The following CDH13 variants were observed in gnomAD, a reference collection of about 807,000 sequenced individuals.
CDH13 encodes cadherin 13.
In CDH13, 24 loss-of-function variants were observed where a neutral mutation model predicts 63.8. The observed-to-expected ratio is 0.38, with a 90% CI of 0.27 to 0.53. The LOEUF is 0.53. CDH13 is among the 20% of genes least tolerant of loss of function. The pLI is 0.85. For missense variants in CDH13, 1,049 were observed against 903.1 expected (o/e 1.16, Z -2.07); for synonymous variants, 503 against 355.3 (o/e 1.42, Z -4.67).
At chr16:83,220,452 G>C (rs186688488) in intron 5 of CDH13, among the ~76,000 whole-genome samples, 1 of 152,148 alleles carries the variant, frequency 6.6e-6, no homozygotes, top group African/African-American at 2.4e-5. Flanking sequence ...TCAAAGAGGA[G>C]AATCCTGGGT....
At chr16:82,777,634 A>G (rs1281636044) in intron 1 of CDH13, among the ~76,000 whole-genome samples, 2 of 152,192 alleles carry the variant, frequency 1.3e-5, no homozygotes, top group Non-Finnish European at 2.9e-5. Flanking sequence ...TTATTATTCC[A>G]CAATTTCTGT....
chr16:83,518,931 A>G (rs1184160455), intron 7 of CDH13, among the ~76,000 whole-genome samples: 1 of 152,152 alleles, frequency 6.6e-6, no homozygotes, highest in Non-Finnish European at 1.5e-5. Context: ...TTTTCTTTAT[A>G]AATTACCCAG....
At chr16:82,921,465 C>G (rs1567663404) in intron 2 of CDH13, among the ~76,000 whole-genome samples, 1 of 152,250 alleles carries the variant, frequency 6.6e-6, no homozygotes, top group South Asian at 2.1e-4. Context: ...GAAAACAGTG[C>G]TGGCATTTAG....
At chr16:83,605,957 C>A (rs1249628781) in intron 8 of CDH13, among the ~76,000 whole-genome samples, 1 of 152,084 alleles carries the variant, frequency 6.6e-6, no homozygotes, top group African/African-American at 2.4e-5. Flanking sequence ...GGGACAAAAG[C>A]GAGAGAGACC....
chr16:83,006,946 A>G (rs915670583), intron 2 of CDH13, among the ~76,000 whole-genome samples: 5 of 141,242 alleles, frequency 3.5e-5, no homozygotes, highest in African/African-American at 1.0e-4. Flanking sequence ...TTTTTGAGAC[A>G]GAGTTTCACT....
chr16:83,389,765 C>G (rs1317531256), intron 6 of CDH13, among the ~76,000 whole-genome samples: 1 of 152,182 alleles, frequency 6.6e-6, no homozygotes, highest in East Asian at 1.9e-4. Context: ...GCCTGGGAAT[C>G]TGAAGTGGTT....
chr16:82,838,179 C>G (rs959778192), intron 1 of CDH13, among the ~76,000 whole-genome samples: 1 of 152,208 alleles, frequency 6.6e-6, no homozygotes, highest in East Asian at 1.9e-4. Flanking sequence ...ATTGCAGATG[C>G]TTGCGTGTTC....
At chr16:83,371,392 C>G (rs2091364775) in intron 6 of CDH13, among the ~76,000 whole-genome samples, 1 of 152,172 alleles carries the variant, frequency 6.6e-6, no homozygotes, top group Admixed American at 6.5e-5. Flanking sequence ...TATACCCCTG[C>G]CTTTTTGTTC....
chr16:83,255,903 T>C (rs145434041), intron 5 of CDH13, among the ~76,000 whole-genome samples: 1 of 152,266 alleles, frequency 6.6e-6, no homozygotes, highest in Non-Finnish European at 1.5e-5. Flanking sequence ...GCACTAAGCT[T>C]GGCACATAGT....
intron 1 of CDH13, among the ~76,000 whole-genome samples, chr16:82,665,016 G>C (rs573170942): frequency 6.6e-6 from 1 of 152,286 alleles, no homozygotes; most frequent in East Asian, 1.9e-4. Context: ...AGTGGTCATG[G>C]TAGTGTTGTG....
rs1431334079 is a variant in CDH13, at chr16:82,887,991, C to G, written c.157+29518C>G. The stretch of plus-strand genomic sequence containing the variant: ...ACTTAAACAGCTTCCCTTAAACACA[C>G]TGTTACTTCAGAAAAGTACGGTTTT... On this transcript the variant is annotated intron_variant, in intron 2 of 13. Transcript: ENST00000567109. 2.0e-5 allele frequency among the ~76,000 whole-genome samples: 3 copies of G among 152,218 alleles called. No individual in the cohort carries two copies. In the South Asian group the frequency reaches 6.2e-4, roughly 32 times the overall value.
chr16:82,727,633 T>C (rs943953016), intron 1 of CDH13: 1 of 152,204 alleles, frequency 6.6e-6, no homozygotes, highest in African/African-American at 2.4e-5. Context: ...ATATCATTTA[T>C]GAAAGGATAA....
chr16:83,793,838 G>C (rs1336544879), intron 13 of CDH13, among the ~76,000 whole-genome samples: 2 of 151,288 alleles, frequency 1.3e-5, no homozygotes, highest in Non-Finnish European at 2.9e-5. Flanking sequence ...AAATTTCTCA[G>C]ATGTGACTCA....
intron 6 of CDH13, among the ~76,000 whole-genome samples, chr16:83,458,360 C>G (rs554790729): frequency 6.6e-6 from 1 of 152,168 alleles, no homozygotes; most frequent in East Asian, 1.9e-4. Flanking sequence ...TTAAAATGAG[C>G]CTTCCACCTC....
chr16:83,262,768 C>T (rs1907145417), intron 5 of CDH13, among the ~76,000 whole-genome samples: 1 of 152,180 alleles, frequency 6.6e-6, no homozygotes, highest in East Asian at 1.9e-4. Context: ...AAAATACCAA[C>T]AGTGTTTCTT....
At chr16:82,750,337 G>A (rs999034965) in intron 1 of CDH13, among the ~76,000 whole-genome samples, 4 of 152,114 alleles carry the variant, frequency 2.6e-5, no homozygotes, top group Admixed American at 2.6e-4. Context: ...TCTGTTTTTG[G>A]AAAGTCAACC....
At chr16:83,194,290 G>A (rs906584612) in intron 4 of CDH13, among the ~76,000 whole-genome samples, 5 of 152,164 alleles carry the variant, frequency 3.3e-5, no homozygotes, top group Admixed American at 1.3e-4. Flanking sequence ...TCAGCTTTTA[G>A]GACTCACAAT....
At chr16:83,528,315 T>C (rs1415627485) in intron 7 of CDH13, among the ~76,000 whole-genome samples, 1 of 152,208 alleles carries the variant, frequency 6.6e-6, no homozygotes, top group Non-Finnish European at 1.5e-5. Context: ...GGAAACTGTA[T>C]TTAGAGAGAT....
At chr16:82,688,062 C>T (rs955585878) in intron 1 of CDH13, among the ~76,000 whole-genome samples, 1 of 152,176 alleles carries the variant, frequency 6.6e-6, no homozygotes, top group East Asian at 1.9e-4. Context: ...GCAGAAATGA[C>T]AACAGTGTTT....
Sources: gnomAD v4.1 joint callset for allele counts (sites outside exome capture counted in the v4.1 genomes callset) on GRCh38, gnomAD v4.1.1 for gene constraint, MANE v1.5 for transcripts, NCBI Gene and HGNC (gene_info 2026-07-23, HGNC 2026-07-21) for gene names.